CDH13: variants seen among roughly 807,000 people sequenced by gnomAD.
CDH13 encodes the protein cadherin 13.
A neutral mutation model predicts 63.8 loss-of-function variants in CDH13; 24 were observed. The observed-to-expected ratio is 0.38, with a 90% CI of 0.27 to 0.53. CDH13 has a LOEUF of 0.53. Among genes scored for constraint, CDH13 ranks in the 20% least tolerant of loss-of-function variants. The pLI is 0.85. For missense variants in CDH13, 1,049 were observed against 903.1 expected (o/e 1.16, Z -2.07); for synonymous variants, 503 against 355.3 (o/e 1.42, Z -4.67).
At chr16:83,479,581 C>T (rs576655945) in intron 6 of CDH13, among the ~76,000 whole-genome samples, 11 of 152,058 alleles carry the variant, frequency 7.2e-5, no homozygotes, top group South Asian at 2.1e-4. Context: ...GGCATGAACC[C>T]GGGAGGCGGA....
intron 5 of CDH13, among the ~76,000 whole-genome samples, chr16:83,265,645 C>G (rs1907519528): frequency 6.6e-6 from 1 of 151,036 alleles, no homozygotes; most frequent in African/African-American, 2.4e-5. Context: ...ATACAGTATC[C>G]CCTCTTAGCT....
chr16:82,663,521 C>G (rs796107184), intron 1 of CDH13, among the ~76,000 whole-genome samples: 7 of 151,922 alleles, frequency 4.6e-5, no homozygotes, highest in African/African-American at 1.4e-4. Flanking sequence ...TGTATGTCTC[C>G]TAGTGACTCC....
At chr16:83,436,395 T>C (rs2072305396) in intron 6 of CDH13, among the ~76,000 whole-genome samples, 1 of 152,088 alleles carries the variant, frequency 6.6e-6, no homozygotes, top group Non-Finnish European at 1.5e-5. Flanking sequence ...CGCTTGAGCC[T>C]GAGAGTTCAA....
chr16:82,723,972 ACT>A (rs2032940511), intron 1 of CDH13, among the ~76,000 whole-genome samples: 1 of 151,880 alleles, frequency 6.6e-6, no homozygotes, highest in African/African-American at 2.4e-5. Flanking sequence ...TCTTGAAATA[ACT>A]CTGGTAAGTG....
At chr16:83,619,040 G>C (rs1275149186) in intron 8 of CDH13, among the ~76,000 whole-genome samples, 1 of 152,196 alleles carries the variant, frequency 6.6e-6, no homozygotes, top group Admixed American at 6.5e-5. Context: ...AGGATTTTAT[G>C]AGAAGCGTCA....
At chr16:83,328,934 C>A (rs1335371817) in intron 5 of CDH13, among the ~76,000 whole-genome samples, 1 of 152,176 alleles carries the variant, frequency 6.6e-6, no homozygotes, top group Non-Finnish European at 1.5e-5. Context: ...CTGCTCATTT[C>A]CATGAAGGTC....
At chr16:82,812,733 G>A (rs1391745360) in intron 1 of CDH13, among the ~76,000 whole-genome samples, 1 of 152,108 alleles carries the variant, frequency 6.6e-6, no homozygotes, top group Non-Finnish European at 1.5e-5. Flanking sequence ...AGATAGTGAA[G>A]TAGTTGGAGG....
chr16:83,130,193 C>T (rs962623426), intron 4 of CDH13, among the ~76,000 whole-genome samples: 1 of 152,176 alleles, frequency 6.6e-6, no homozygotes, highest in African/African-American at 2.4e-5. Flanking sequence ...CTGTGCTAAG[C>T]ACTTTTCATC....
At chr16:82,786,678 C>G (rs1435034506) in intron 1 of CDH13, among the ~76,000 whole-genome samples, 1 of 130,174 alleles carries the variant, frequency 7.7e-6, no homozygotes, top group East Asian at 2.7e-4. Context: ...CAACAGGGCC[C>G]AGTGTGTGAT....
intron 1 of CDH13, among the ~76,000 whole-genome samples, chr16:82,655,945 T>G (rs1368840403): frequency 6.6e-6 from 1 of 152,096 alleles, no homozygotes; most frequent in African/African-American, 2.4e-5. Context: ...TGTATGAGGT[T>G]TGGCACCACC....
At chr16:83,288,260 G>C (rs1156733797) in intron 5 of CDH13, among the ~76,000 whole-genome samples, 1 of 152,172 alleles carries the variant, frequency 6.6e-6, no homozygotes, top group African/African-American at 2.4e-5. Flanking sequence ...GCCTGTCCTT[G>C]AGTGCTGTGT....
chr16:83,468,178 G>A (rs984327397), intron 6 of CDH13, among the ~76,000 whole-genome samples: 1 of 152,162 alleles, frequency 6.6e-6, no homozygotes, highest in Non-Finnish European at 1.5e-5. Flanking sequence ...TTGCAGTTGT[G>A]ATTTATTGAA....
intron 4 of CDH13, among the ~76,000 whole-genome samples, chr16:83,179,821 C>A (rs2038276709): frequency 6.6e-6 from 1 of 151,824 alleles, no homozygotes; most frequent in Non-Finnish European, 1.5e-5. Context: ...ATATTTTCCA[C>A]TTAAAAGAAG....
chr16:83,089,496 C>T lies in CDH13; in HGVS notation c.367-35889C>T, dbSNP rs1356472208. On this transcript the variant is annotated intron_variant, in intron 3 of 13. Transcript: ENST00000567109. ...TTGCAGGCGTCAGGAATCTGAATCA[C>T]ACTCATTCCCTCCATCACTTGGCTC... is the stretch of plus-strand genomic sequence containing the variant. Among the ~76,000 whole-genome samples, 3 of 151,628 alleles carry T rather than the reference C, an allele frequency of 2.0e-5. No homozygotes were observed. In the East Asian group the frequency reaches 5.8e-4, roughly 29 times the overall value.
At chr16:82,699,668 C>T (rs2030750772) in intron 1 of CDH13, among the ~76,000 whole-genome samples, 1 of 152,228 alleles carries the variant, frequency 6.6e-6, no homozygotes, top group African/African-American at 2.4e-5. Context: ...TCAGTACACA[C>T]ATTTTGCATC....
intron 1 of CDH13, among the ~76,000 whole-genome samples, chr16:82,771,397 G>T (rs1332183121): frequency 1.3e-5 from 2 of 152,156 alleles, no homozygotes; most frequent in Admixed American, 6.5e-5. Context: ...GGTACCATTG[G>T]ACCCAATATG....
chr16:83,428,187 G>A (rs1168266942), intron 6 of CDH13, among the ~76,000 whole-genome samples: 1 of 152,172 alleles, frequency 6.6e-6, no homozygotes, highest in Non-Finnish European at 1.5e-5. Flanking sequence ...GGGGAAAAAT[G>A]AGTTTTATTA....
At chr16:83,000,393 C>T (rs868233501) in intron 2 of CDH13, among the ~76,000 whole-genome samples, 12 of 149,718 alleles carry the variant, frequency 8.0e-5, no homozygotes, top group Non-Finnish European at 1.5e-4. Context: ...GGATTACAGG[C>T]GCCCGCCACC....
intron 1 of CDH13, chr16:82,646,335 G>A (rs7198036): frequency 0.12 from 18,090 of 152,204 alleles, 1,114 homozygotes; most frequent in African/African-American, 0.14. Context: ...GATTGCAGGT[G>A]CCTGCCATCA....
Sources: allele counts gnomAD v4.1 joint callset (sites outside exome capture counted in the v4.1 genomes callset), GRCh38; gene constraint gnomAD v4.1.1; transcripts MANE v1.5; gene names NCBI Gene and HGNC (gene_info 2026-07-23, HGNC 2026-07-21).